Variants in NEBL observed in about 807,000 individuals in gnomAD.
The protein encoded by NEBL is LIM and SH3 protein 2.
NEBL carries 122 observed loss-of-function variants against 140.2 expected under a neutral mutation model. That is an observed-to-expected ratio of 0.87 (90% CI 0.75 to 1.01). The LOEUF (loss-of-function observed/expected upper bound fraction) is 1.01. Ranked by LOEUF, NEBL falls within the 50% of genes least tolerant of loss-of-function variation. The pLI is 0.00. For synonymous variants in NEBL, 436 were observed against 398.9 expected (o/e 1.09, Z -1.11); for missense variants, 1,365 against 1,231.3 (o/e 1.11, Z -1.62).
intron 2 of NEBL, chr10:21,028,850 C>A (rs7078108): frequency 0.013 from 3,668 of 290,922 alleles, 133 homozygotes; most frequent in African/African-American, 0.074. Context: ...TTGGGAGAAA[C>A]AATTCAATAA....
chr10:21,190,927 T>C (rs1317283287), intron 3 of NEBL, among the ~76,000 whole-genome samples: 1 of 152,244 alleles, frequency 6.6e-6, no homozygotes, highest in Non-Finnish European at 1.5e-5. Flanking sequence ...ATAATTCATC[T>C]TCCTCCTCTC....
chr10:21,101,114 C>T (rs1428901966), intron 2 of NEBL, among the ~76,000 whole-genome samples: 2 of 152,152 alleles, frequency 1.3e-5, no homozygotes, highest in African/African-American at 4.8e-5. Flanking sequence ...AAAGGTGAGC[C>T]TGTCTCCTAG....
intron 2 of NEBL, chr10:21,030,333 G>A (rs1833727938): frequency 1.6e-6 from 1 of 636,694 alleles, no homozygotes; most frequent in Non-Finnish European, 2.8e-6. Flanking sequence ...TCGCACACTG[G>A]GACCTCCGCC....
At chr10:20,859,617 T>G in intron 8 of NEBL, 96 bp downstream of exon 8, 2 of 756,098 alleles carry the variant, frequency 2.6e-6, no homozygotes, top group East Asian at 2.7e-5. Flanking sequence ...TACAAATTAC[T>G]TGGAAGCTAA....
rs76751597 is a variant in NEBL, at chr10:20,999,703, C to G, written c.249+20414G>C. Among the ~76,000 whole-genome samples, 66 of 152,328 alleles carry G rather than the reference C, an allele frequency of 4.3e-4. 1 individual carries two copies. In the East Asian group the frequency reaches 0.012, roughly 28 times the overall value. On this transcript the variant is annotated intron_variant, in intron 3 of 6. Coordinates refer to the NEBL transcript ENST00000417816. ...AGCCAAAGCATTTTCCCTACACTCA[C>G]TGGGACCTATCTAAGGCAATGAGGT...
intron 2 of NEBL, among the ~76,000 whole-genome samples, chr10:21,055,663 A>G (rs1431625332): frequency 6.6e-6 from 1 of 152,186 alleles, no homozygotes; most frequent in Admixed American, 6.5e-5. Context: ...ACAGAATTGA[A>G]TTAATATCTG....
rs76843659 is a variant in NEBL at position 20,842,250 on chromosome 10, C to A, written c.1228-1401G>T. 1.0e-3 allele frequency among the ~76,000 whole-genome samples: 153 copies of A among 152,150 alleles called. 1 individual carries two copies. Among genetic ancestry groups the A allele is most frequent in the East Asian group, 9.9e-3 (51 of 5,170 alleles). ...TTTTGGAATGATCTGAGTCAAATGACCCGAGTGAAAGTCAGACCTCTTTCA... is the reference window on the plus strand; with the variant it reads ...TTTTGGAATGATCTGAGTCAAATGAACCGAGTGAAAGTCAGACCTCTTTCA... On this transcript the variant is annotated intron_variant, in intron 12 of 27. Transcript: ENST00000377122.
At position 20,828,607 on chromosome 10, in the gene NEBL, T is replaced by A; in HGVS notation, c.1699A>T (p.Met567Leu). The change falls in exon 17 of 28, where the codon ATG becomes TTG. Residue 567 changes from methionine (M) to leucine (L), a missense_variant. Physicochemically the swap from Met to Leu is conservative, Grantham distance 15. Coordinates refer to ENST00000377122, the MANE Select transcript of NEBL (RefSeq NM_006393.3). ...GCTATGGTAGAATAGTTAGAAAGCA[T>A]CTTCTCTGCTTCATCTTTATACTTT... Reference protein sequence around the residue: ...QRKYKDEAEKMLSNYSTIADT... With the variant: ...QRKYKDEAEKLLSNYSTIADT... The A allele has an allele frequency of 6.3e-7, 1 of 1,585,848 alleles. No homozygotes were observed. The highest frequency in any genetic ancestry group is 8.7e-7 in the Non-Finnish European group (1 of 1,154,852).
At chr10:21,179,507 C>G (rs1015632151), upstream of NEBL, among the ~76,000 whole-genome samples, 2 of 151,974 alleles carry the variant, frequency 1.3e-5, no homozygotes, top group South Asian at 4.2e-4. Flanking sequence ...CTCCATCATC[C>G]CCTTAAGAAC....
chr10:21,099,220 A>C (rs1013732630), intron 2 of NEBL, among the ~76,000 whole-genome samples: 3 of 152,232 alleles, frequency 2.0e-5, no homozygotes, highest in East Asian at 1.9e-4. Flanking sequence ...GAACCTACTG[A>C]GTAAATTATT....
At chr10:21,232,014 A>G (rs1017012865) in intron 3 of NEBL, among the ~76,000 whole-genome samples, 4 of 152,172 alleles carry the variant, frequency 2.6e-5, no homozygotes, top group Non-Finnish European at 5.9e-5. Flanking sequence ...AATGCTCTTC[A>G]TGACAATATG....
intron 3 of NEBL, among the ~76,000 whole-genome samples, chr10:21,200,919 T>C (rs1040248415): frequency 5.3e-5 from 8 of 151,664 alleles, no homozygotes; most frequent in Admixed American, 1.3e-4. Flanking sequence ...CAGAGAGATA[T>C]CCCGTCTAAA....
At chr10:20,925,183 A>T (rs2131514191) in intron 4 of NEBL, among the ~76,000 whole-genome samples, 1 of 152,294 alleles carries the variant, frequency 6.6e-6, no homozygotes, top group East Asian at 1.9e-4. Flanking sequence ...CACATACTCA[A>T]ACATATACAT....
At chr10:21,211,100 G>C (rs975334367) in intron 3 of NEBL, among the ~76,000 whole-genome samples, 1 of 152,202 alleles carries the variant, frequency 6.6e-6, no homozygotes, top group African/African-American at 2.4e-5. Context: ...CTCGCAGAAA[G>C]AGGAGATAGA....
In NEBL at chr10:21,173,835, A is replaced by T. The variant is rs753920436; in HGVS notation, c.-2T>A. On this transcript the variant is annotated 5_prime_UTR_variant, in exon 1 of 7. Coordinates refer to the NEBL transcript ENST00000417816. The surrounding 1 kb of genome is among the most constrained non-coding windows in gnomAD (Gnocchi z 5.7). ...GCAACGGGCGCACTGGGGGTTCATG[A>T]TCGCGGTTCCCGGGGGCGGCGGCGG... 1.3e-5 allele frequency: 21 copies of T among 1,610,336 alleles called. No homozygotes were observed. In the South Asian group the frequency reaches 2.0e-4, roughly 15 times the overall value.
chr10:20,863,580 C>T (rs1402332758), intron 7 of NEBL, among the ~76,000 whole-genome samples: 1 of 152,110 alleles, frequency 6.6e-6, no homozygotes, highest in Non-Finnish European at 1.5e-5. Flanking sequence ...AACACAATAT[C>T]TCTGCTCTTA....
At chr10:20,950,002 A>G (rs117099501) in intron 4 of NEBL, among the ~76,000 whole-genome samples, 186 of 152,310 alleles carry the variant, frequency 1.2e-3, no homozygotes, top group Non-Finnish European at 2.0e-3. Flanking sequence ...CTCGTGTTCA[A>G]TTCCTTTCCC....
chr10:20,863,253 C>A (rs1249450078), intron 7 of NEBL, among the ~76,000 whole-genome samples: 1 of 152,078 alleles, frequency 6.6e-6, no homozygotes, highest in Admixed American at 6.6e-5. Flanking sequence ...AACACGCAAA[C>A]CCAAAACTTT....
intron 2 of NEBL, chr10:21,111,018 G>A (rs553441309): frequency 2.6e-5 from 8 of 305,006 alleles, no homozygotes; most frequent in East Asian, 1.6e-4. Context: ...ATAAAACACC[G>A]AGGAATTTAA....
Sources: gnomAD v4.1 joint callset for allele counts (sites outside exome capture counted in the v4.1 genomes callset) on GRCh38, gnomAD v4.1.1 for gene constraint, Gnocchi (gnomAD v3.1) non-coding constraint, MANE v1.5 for transcripts, NCBI Gene and HGNC (gene_info 2026-07-23, HGNC 2026-07-21) for gene names.